The following UNC5D variants were observed in gnomAD, a reference collection of about 807,000 sequenced individuals.
UNC5D encodes the protein unc-5 netrin receptor D.
Under a neutral mutation model 105.4 loss-of-function variants are expected in UNC5D, and 39 were observed. The ratio of observed to expected loss-of-function variants is 0.37; its 90% CI spans 0.29 to 0.48. The LOEUF (loss-of-function observed/expected upper bound fraction) is 0.48. Among genes scored for constraint, UNC5D ranks in the 20% least tolerant of loss-of-function variants. The pLI is 0.98. For missense variants in UNC5D, 991 were observed against 1,202.4 expected, an observed-to-expected ratio of 0.82 and a Z score of 2.60; for synonymous variants, 452 against 450.4, an observed-to-expected ratio of 1.00 and a Z score of -0.04.
intron 1 of UNC5D, among the ~76,000 whole-genome samples, chr8:35,304,039 C>G (rs1346017666): frequency 6.6e-6 from 1 of 152,070 alleles, no homozygotes; most frequent in Non-Finnish European, 1.5e-5. Context: ...GTGGATCTCT[C>G]CATGAGATTT....
intron 10 of UNC5D, chr8:35,726,773 T>A: frequency 1.7e-6 from 1 of 573,120 alleles, no homozygotes; most frequent in Non-Finnish European, 3.0e-6. Flanking sequence ...AGCTGATAAC[T>A]ATATTTGCCT....
intron 1 of UNC5D, among the ~76,000 whole-genome samples, chr8:35,522,803 C>T (rs1275020941): frequency 6.6e-6 from 1 of 152,186 alleles, no homozygotes; most frequent in Non-Finnish European, 1.5e-5. Flanking sequence ...TTGGACCCCT[C>T]TCTTCCTTTC....
chr8:35,736,502 A>G (rs773836086), intron 11 of UNC5D, among the ~76,000 whole-genome samples: 7 of 152,260 alleles, frequency 4.6e-5, no homozygotes, highest in Non-Finnish European at 7.3e-5. Flanking sequence ...GGTTTCAACA[A>G]GCATAATTGT....
At chr8:35,487,375 A>C (rs2130056403) in intron 1 of UNC5D, among the ~76,000 whole-genome samples, 1 of 152,224 alleles carries the variant, frequency 6.6e-6, no homozygotes, top group Non-Finnish European at 1.5e-5. Context: ...TCATCCAATC[A>C]GTTGGAACAA....
At chr8:35,542,292 T>C (rs780411657) in intron 1 of UNC5D, among the ~76,000 whole-genome samples, 1 of 152,208 alleles carries the variant, frequency 6.6e-6, no homozygotes, top group Non-Finnish European at 1.5e-5. Context: ...AGTAACCATA[T>C]GGAGACAAGT....
rs113582819 is a variant in UNC5D at position 35,412,716 on chromosome 8, T to A, written c.104-136576T>A. ...TACCATGAGATAAGACACCAGTAGGTTGGCCATTCTGCTATGTTCTGATGA... is the reference window on the plus strand; with the variant it reads ...TACCATGAGATAAGACACCAGTAGGATGGCCATTCTGCTATGTTCTGATGA... On this transcript the variant is annotated intron_variant, in intron 1 of 16. Transcript: ENST00000404895. Among the ~76,000 whole-genome samples, 1,364 of 152,234 alleles carry A rather than the reference T, an allele frequency of 9.0e-3. 19 individuals are homozygous for A. The highest frequency in any genetic ancestry group is 0.031 in the African/African-American group (1,294 of 41,542).
At chr8:35,317,599 ATCAG>A (rs1809402659) in intron 1 of UNC5D, among the ~76,000 whole-genome samples, 1 of 152,084 alleles carries the variant, frequency 6.6e-6, no homozygotes, top group Non-Finnish European at 1.5e-5. Context: ...AGACGTGATA[ATCAG>A]TCAAAGTAAA....
chr8:35,317,285 A>C (rs1368773495), intron 1 of UNC5D, among the ~76,000 whole-genome samples: 2 of 152,172 alleles, frequency 1.3e-5, no homozygotes, highest in Non-Finnish European at 2.9e-5. Flanking sequence ...AAAATAAAGA[A>C]GTCTGTTTGC....
chr8:35,670,618 A>G (rs1347074535), intron 4 of UNC5D, among the ~76,000 whole-genome samples: 2 of 152,146 alleles, frequency 1.3e-5, no homozygotes, highest in Admixed American at 1.3e-4. Flanking sequence ...ACAGAAAACC[A>G]AACACTGCAT....
intron 1 of UNC5D, among the ~76,000 whole-genome samples, chr8:35,271,683 GTATACAT>G (rs1805367296): frequency 1.2e-4 from 1 of 8,528 alleles, no homozygotes; most frequent in South Asian, 0.013. Context: ...ACATATATAT[GTATACAT>G]GTATACATGT....
chr8:35,700,492 A>AAGTT (rs60302337), intron 7 of UNC5D, among the ~76,000 whole-genome samples: 2,134 of 152,274 alleles, frequency 0.014, 38 homozygotes, highest in African/African-American at 0.048. Flanking sequence ...TAGTGACTAT[A>AAGTT]AGTTAGTTAG....
At chr8:35,338,817 C>T (rs532148898) in intron 1 of UNC5D, among the ~76,000 whole-genome samples, 3 of 152,170 alleles carry the variant, frequency 2.0e-5, no homozygotes, top group Admixed American at 2.0e-4. Flanking sequence ...TTAAATGCAC[C>T]CTGACCGACT....
chr8:35,726,502 G>T lies in UNC5D; in HGVS notation c.1654G>T (p.Gly552Trp). The T allele has an allele frequency of 6.2e-7, 1 of 1,613,320 alleles. No individual in the cohort carries two copies. The highest frequency in any genetic ancestry group is 8.5e-7 in the Non-Finnish European group (1 of 1,180,002). Residue 552 changes from glycine to tryptophan, a missense_variant, in exon 10 of 17, where the codon GGG becomes TGG. By Grantham distance (184) the Gly-to-Trp change is radical (BLOSUM62 -2). This residue lies in a region of UNC5D where 944 missense variants were observed against 1,131.6 expected (regional missense o/e 0.83). Transcript: ENST00000404895. ...GACAACTGGTGTCTTTGGCCATTTA[G>T]GGGGGCGCTTAGTAATGCCAAATAC... is the stretch of plus-strand genomic sequence containing the variant. ...LRTTGVFGHL[G>W]GRLVMPNTGV... is the part of the protein sequence containing the mutation.
intron 1 of UNC5D, among the ~76,000 whole-genome samples, chr8:35,283,951 A>G (rs1806391892): frequency 6.6e-6 from 1 of 152,202 alleles, no homozygotes; most frequent in African/African-American, 2.4e-5. Context: ...GATTCATTCA[A>G]TTACCTACAG....
At chr8:35,419,298 C>A (rs182615167) in intron 1 of UNC5D, among the ~76,000 whole-genome samples, 1 of 152,304 alleles carries the variant, frequency 6.6e-6, no homozygotes, top group African/African-American at 2.4e-5. Context: ...TCTGCCCAGG[C>A]TTCACTCAGC....
At chr8:35,717,283 G>A (rs937806529) in intron 8 of UNC5D, among the ~76,000 whole-genome samples, 2 of 152,132 alleles carry the variant, frequency 1.3e-5, no homozygotes, top group African/African-American at 4.8e-5. Flanking sequence ...TTCTAATCTG[G>A]TATATAGTTA....
In UNC5D at chr8:35,710,936, T is replaced by TAAAAGGAAGTCTAGAGCAC. The variant is rs1344405127; in HGVS notation, c.1117+4975_1117+4976insAAAAGGAAGTCTAGAGCAC. Among the ~76,000 whole-genome samples the TAAAAGGAAGTCTAGAGCAC allele has an allele frequency of 4.7e-4, 62 of 132,902 alleles. 2 individuals carry two copies. Among genetic ancestry groups the TAAAAGGAAGTCTAGAGCAC allele is most frequent in the African/African-American group, 1.3e-3 (40 of 30,898 alleles). The allele number at this position is 132,902 out of a possible 152,430, so 87.2% of individuals were successfully genotyped here. ...CTCTTCAGTAGCTCAGCATTATTCT[T>TAAAAGGAAGTCTAGAGCAC]TTTTTTTTTTTTTTTTTTTTGAGAC... On this transcript the variant is annotated intron_variant, in intron 8 of 16. Coordinates refer to ENST00000404895, the MANE Select transcript of UNC5D (RefSeq NM_080872.4).
At chr8:35,373,955 A>T (rs1802556233) in intron 1 of UNC5D, among the ~76,000 whole-genome samples, 1 of 152,154 alleles carries the variant, frequency 6.6e-6, no homozygotes, top group South Asian at 2.1e-4. Flanking sequence ...GAATTATTTC[A>T]TCTTCAGGGA....
At chr8:35,424,926 T>C (rs1030146507) in intron 1 of UNC5D, among the ~76,000 whole-genome samples, 62 of 152,302 alleles carry the variant, frequency 4.1e-4, no homozygotes, top group African/African-American at 1.3e-3. Flanking sequence ...ATTTAAGCTG[T>C]GGTTGTGGGA....
Sources: allele counts gnomAD v4.1 joint callset (sites outside exome capture counted in the v4.1 genomes callset), GRCh38; gene constraint gnomAD v4.1.1; regional missense constraint gnomAD v4.1.1; transcripts MANE v1.5; gene names NCBI Gene and HGNC (gene_info 2026-07-23, HGNC 2026-07-21).